CDH18: variants seen among roughly 807,000 people sequenced by gnomAD.
The protein encoded by CDH18 is cadherin 18.
CDH18 carries 31 observed loss-of-function variants against 67.9 expected under a neutral mutation model. The ratio of observed to expected loss-of-function variants is 0.46; its 90% CI spans 0.34 to 0.62. CDH18 has a LOEUF of 0.62. CDH18 is among the 20% of genes least tolerant of loss of function. The probability of loss-of-function intolerance (pLI) is 0.01; values close to 1 mark genes in which losing one functional copy is unlikely to be tolerated. For missense variants in CDH18, 890 were observed against 975.5 expected, an observed-to-expected ratio of 0.91 and a Z score of 1.17; for synonymous variants, 362 against 347.2, an observed-to-expected ratio of 1.04 and a Z score of -0.48.
chr5:20,083,158 G>A (rs1450520554), intron 2 of CDH18, among the ~76,000 whole-genome samples: 1 of 152,160 alleles, frequency 6.6e-6, no homozygotes, highest in Non-Finnish European at 1.5e-5. Flanking sequence ...GAGGATGAGT[G>A]ATAAATGGGC....
chr5:19,654,340 G>C (rs1212257924), intron 5 of CDH18, among the ~76,000 whole-genome samples: 1 of 152,090 alleles, frequency 6.6e-6, no homozygotes, highest in Non-Finnish European at 1.5e-5. Context: ...CAGTATATTT[G>C]AAACTACAAT....
At chr5:20,502,314 A>C (rs1412406416) in intron 1 of CDH18, among the ~76,000 whole-genome samples, 1 of 152,196 alleles carries the variant, frequency 6.6e-6, no homozygotes, top group Non-Finnish European at 1.5e-5. Flanking sequence ...AAATATGAGT[A>C]AGAGAAAATA....
chr5:19,528,510 A>T (rs1748095277), intron 9 of CDH18, among the ~76,000 whole-genome samples: 1 of 151,654 alleles, frequency 6.6e-6, no homozygotes, highest in Admixed American at 6.6e-5. Flanking sequence ...TGATATATAT[A>T]TTTTAAATGT....
At chr5:19,764,347 C>A (rs2149715031) in intron 3 of CDH18, among the ~76,000 whole-genome samples, 1 of 151,984 alleles carries the variant, frequency 6.6e-6, no homozygotes, top group South Asian at 2.1e-4. Flanking sequence ...CTCTGAAGAA[C>A]TACCCATAAT....
At chr5:19,905,484 C>G (rs2150124472) in intron 2 of CDH18, among the ~76,000 whole-genome samples, 1 of 151,336 alleles carries the variant, frequency 6.6e-6, no homozygotes, top group African/African-American at 2.4e-5. Flanking sequence ...TAGATCATAT[C>G]CAATTCATTA....
At chr5:19,664,926 T>C (rs1757707154) in intron 5 of CDH18, among the ~76,000 whole-genome samples, 2 of 151,938 alleles carry the variant, frequency 1.3e-5, no homozygotes, top group South Asian at 4.1e-4. Flanking sequence ...TGACGTAGAG[T>C]TGCGGACTTC....
chr5:20,131,334 G>A (rs1025251825), intron 2 of CDH18, among the ~76,000 whole-genome samples: 3 of 152,014 alleles, frequency 2.0e-5, no homozygotes, highest in African/African-American at 2.4e-5. Context: ...ATAATTATCT[G>A]TAGCTTCACC....
rs1033542358 is a variant in CDH18, at chr5:20,495,339, C to T, written c.-580+80123G>A. ...CCTTTTAATGTGTTCACAAATCAAC[C>T]GAGACAACAAATGTCAATAACCTAA... On this transcript the variant is annotated intron_variant, in intron 1 of 14. Transcript: ENST00000507958. 3.9e-5 allele frequency among the ~76,000 whole-genome samples: 6 copies of T among 151,904 alleles called. No homozygotes were observed. The East Asian group carries it at 7.8e-4, about 20-fold the overall frequency.
chr5:20,409,486 G>A (rs12522829), intron 1 of CDH18, among the ~76,000 whole-genome samples: 70,684 of 150,818 alleles, frequency 0.47, 17,959 homozygotes, highest in Middle Eastern at 0.61. Flanking sequence ...TAAAAATCAT[G>A]ACATACCAAA....
intron 5 of CDH18, among the ~76,000 whole-genome samples, chr5:19,633,428 C>G (rs1369844673): frequency 6.6e-6 from 1 of 151,986 alleles, no homozygotes; most frequent in Non-Finnish European, 1.5e-5. Context: ...AAACAGTTCC[C>G]AAATGGATAT....
At chr5:19,722,718 A>C (rs2150584303) in intron 4 of CDH18, among the ~76,000 whole-genome samples, 1 of 152,046 alleles carries the variant, frequency 6.6e-6, no homozygotes, top group Admixed American at 6.6e-5. Flanking sequence ...TGAATCATCT[A>C]ATGGTGCATA....
chr5:19,952,975 A>G, intron 2 of CDH18, among the ~76,000 whole-genome samples: 1 of 152,064 alleles, frequency 6.6e-6, no homozygotes, highest in East Asian at 1.9e-4. Context: ...CTGACAAGGA[A>G]ATTAGACTAG....
intron 5 of CDH18, among the ~76,000 whole-genome samples, chr5:19,664,369 T>C (rs183322137): frequency 7.5e-4 from 114 of 152,056 alleles, no homozygotes; most frequent in African/African-American, 2.5e-3. Context: ...TTGTGATTAT[T>C]GCATTTGTGA....
chr5:19,533,896 G>T (rs937608357), intron 9 of CDH18, among the ~76,000 whole-genome samples: 3 of 152,044 alleles, frequency 2.0e-5, no homozygotes, highest in African/African-American at 7.2e-5. Flanking sequence ...ATTGGAAGAG[G>T]TATTAGAAAT....
chr5:19,716,714 G>A (rs973786257), intron 5 of CDH18, among the ~76,000 whole-genome samples: 2 of 151,758 alleles, frequency 1.3e-5, no homozygotes, highest in African/African-American at 4.8e-5. Context: ...TTAAAATACC[G>A]AAATACATTA....
intron 2 of CDH18, among the ~76,000 whole-genome samples, chr5:20,003,708 C>T (rs1219261932): frequency 6.6e-6 from 1 of 151,982 alleles, no homozygotes. Flanking sequence ...CTGGCTAATA[C>T]GGTGAAACCC....
intron 2 of CDH18, among the ~76,000 whole-genome samples, chr5:19,892,731 G>T (rs556825840): frequency 6.6e-6 from 1 of 152,108 alleles, no homozygotes; most frequent in South Asian, 2.1e-4. Flanking sequence ...CAGATAGAAA[G>T]GTACCGATTC....
chr5:19,657,144 C>G (rs1756518336), intron 5 of CDH18, among the ~76,000 whole-genome samples: 1 of 152,042 alleles, frequency 6.6e-6, no homozygotes, highest in Non-Finnish European at 1.5e-5. Context: ...GTTAATTAAA[C>G]TTGTACTCTC....
intron 3 of CDH18, among the ~76,000 whole-genome samples, chr5:19,836,260 T>C (rs988602935): frequency 7.9e-5 from 12 of 152,168 alleles, no homozygotes; most frequent in Non-Finnish European, 1.5e-4. Flanking sequence ...AGGATTTTGA[T>C]TGAACTAATT....
Sources: gnomAD v4.1 joint callset for allele counts (sites outside exome capture counted in the v4.1 genomes callset) on GRCh38, gnomAD v4.1.1 for gene constraint, MANE v1.5 for transcripts, NCBI Gene and HGNC (gene_info 2026-07-23, HGNC 2026-07-21) for gene names.